WNK1: variants seen among roughly 807,000 people sequenced by gnomAD.
The protein encoded by WNK1 is serine/threonine-protein kinase WNK1.
In WNK1, 38 loss-of-function variants were observed where a neutral mutation model predicts 222.8. The observed-to-expected ratio is 0.17, with a 90% CI of 0.13 to 0.22. The LOEUF (loss-of-function observed/expected upper bound fraction) is 0.22, where lower values mean the gene tolerates loss of function less well. WNK1 is among the 10% of genes least tolerant of loss of function. The pLI is 1.00. For missense variants in WNK1, 2,348 were observed against 2,918.4 expected, an observed-to-expected ratio of 0.80 and a Z score of 4.50; for synonymous variants, 1,090 against 1,092.9, an observed-to-expected ratio of 1.00 and a Z score of 0.05.
intron 1 of WNK1, among the ~76,000 whole-genome samples, chr12:754,857 T>G (rs1311087025): frequency 2.6e-5 from 4 of 152,190 alleles, no homozygotes; most frequent in African/African-American, 7.2e-5. Context: ...TTTTGGATGT[T>G]TGATGTTGTT....
chr12:860,865 C>A (rs763223537), intron 6 of WNK1, 148 bp from the exon 7 acceptor site: 1 of 759,072 alleles, frequency 1.3e-6, no homozygotes, highest in African/African-American at 1.9e-5. Flanking sequence ...TTTTACAGTT[C>A]GGTTAAGGCC....
intron 8 of WNK1, chr12:869,257 C>A: frequency 9.1e-7 from 1 of 1,098,502 alleles, no homozygotes; most frequent in Non-Finnish European, 1.4e-6. Context: ...GGGTTGTGAA[C>A]TACATATATG....
At position 783,664 on chromosome 12, in the gene WNK1, G is replaced by A. The variant is rs113751927; in HGVS notation, c.759+29340G>A. Among the ~76,000 whole-genome samples, 27 of 43,226 alleles carry A rather than the reference G, an allele frequency of 6.2e-4. 1 individual carries two copies. Among genetic ancestry groups the A allele is most frequent in the African/African-American group, 3.0e-3 (26 of 8,718 alleles). The allele number at this position is 43,226 out of a possible 152,430, so 28.4% of individuals were successfully genotyped here. ...AAAAAAAAAATTATCCAGGCACAGC[G>A]GCATGTGCCTGTAGTCCCAGCTACC... On this transcript the variant is annotated intron_variant, in intron 1 of 27. Coordinates refer to ENST00000315939, the MANE Select transcript of WNK1 (RefSeq NM_018979.4).
At chr12:833,902 T>C (rs1039824764) in intron 4 of WNK1, among the ~76,000 whole-genome samples, 7 of 152,214 alleles carry the variant, frequency 4.6e-5, no homozygotes, top group African/African-American at 1.7e-4. Context: ...AATAATCATA[T>C]TCCCTGTCTT....
chr12:829,563 T>C (rs1948635339), intron 3 of WNK1, among the ~76,000 whole-genome samples: 1 of 152,226 alleles, frequency 6.6e-6, no homozygotes, highest in South Asian at 2.1e-4. Flanking sequence ...CATACATTAG[T>C]GGGCACACAA....
At chr12:783,964 A>G in intron 1 of WNK1, among the ~76,000 whole-genome samples, 1 of 113,668 alleles carries the variant, frequency 8.8e-6, no homozygotes, top group Non-Finnish European at 1.9e-5. Flanking sequence ...ATGTGCCTGT[A>G]GTCCCAGCTA....
chr12:849,850 G>A (rs1453838935), intron 4 of WNK1, among the ~76,000 whole-genome samples: 1 of 152,058 alleles, frequency 6.6e-6, no homozygotes, highest in Non-Finnish European at 1.5e-5. Context: ...AGTTTGCTGA[G>A]AATGATGGTT....
Position 882,966 on chromosome 12 carries a change from A to G in WNK1, c.3396A>G (p.Val1132=). 1 of 1,612,556 alleles carries G rather than the reference A, an allele frequency of 6.2e-7. No individual in the cohort carries two copies. The highest frequency in any genetic ancestry group is 1.1e-5 in the South Asian group (1 of 91,046). The change falls in exon 15 of 28, where the codon GTA becomes GTG. Residue 1132 remains valine (V), a synonymous_variant. Transcript: ENST00000315939. ...ILNVSNKGDR[V]VECQLETHNR... is the part of the protein sequence containing the mutation. ...AGGTTTCAAATAAAGGAGACCGAGT[A>G]GTAGAATGTCAATTAGAGACTCATA...
chr12:835,802 A>C (rs1331939523), intron 4 of WNK1, among the ~76,000 whole-genome samples: 1 of 152,152 alleles, frequency 6.6e-6, no homozygotes, highest in South Asian at 2.1e-4. Context: ...AAAAATACAA[A>C]AATTAGCTGG....
intron 1 of WNK1, among the ~76,000 whole-genome samples, chr12:771,448 G>C (rs969967781): frequency 1.3e-5 from 2 of 152,048 alleles, no homozygotes; most frequent in Non-Finnish European, 2.9e-5. Flanking sequence ...CTGTAGTTCA[G>C]CTATTTATTA....
At chr12:883,705 G>T in intron 16 of WNK1, 69 bp from the exon 17 acceptor site, 1 of 1,598,516 alleles carries the variant, frequency 6.3e-7, no homozygotes, top group Non-Finnish European at 8.6e-7. Flanking sequence ...CTTCACATGT[G>T]GCAGTTTGCT....
chr12:782,924 G>A (rs758454862), intron 1 of WNK1, among the ~76,000 whole-genome samples: 2 of 151,398 alleles, frequency 1.3e-5, no homozygotes, highest in Non-Finnish European at 2.9e-5. Context: ...CTGAGACAGG[G>A]TCTTGCCCTG....
At chr12:842,080 A>G (rs1240308869) in intron 4 of WNK1, among the ~76,000 whole-genome samples, 1 of 152,210 alleles carries the variant, frequency 6.6e-6, no homozygotes, top group African/African-American at 2.4e-5. Context: ...CACCGTAGGC[A>G]CTCATTAATA....
chr12:839,383 G>A (rs988396139), intron 4 of WNK1, among the ~76,000 whole-genome samples: 1 of 152,158 alleles, frequency 6.6e-6, no homozygotes, highest in Non-Finnish European at 1.5e-5. Context: ...AGTGGAGAAT[G>A]GATTTCTGAG....
Position 885,189 on chromosome 12 carries a change from G to T in WNK1, c.4385G>T (p.Gly1462Val), listed in dbSNP as rs1193226849. The change falls in exon 19 of 28, where the codon GGC (glycine) becomes GTC (valine). Residue 1462 changes from glycine (G) to valine (V), a missense_variant. Gly to Val is a moderately radical substitution (Grantham distance 109). Coordinates refer to ENST00000315939, the MANE Select transcript of WNK1 (RefSeq NM_018979.4). ...TCAGCAACTTCAGCCTCTGCAGGGGGCAGTACTGCTACCCCAGGTCCTAAG... is the reference window on the plus strand; with the variant it reads ...TCAGCAACTTCAGCCTCTGCAGGGGTCAGTACTGCTACCCCAGGTCCTAAG... ...TVSATSASAG[G>V]STATPGPKPP... The T allele has an allele frequency of 2.5e-6, 4 of 1,614,010 alleles. No individual in the cohort carries two copies. The highest frequency in any genetic ancestry group is 3.4e-6 in the Non-Finnish European group (4 of 1,180,028).
chr12:906,969 G>A (rs990618949), intron 26 of WNK1, among the ~76,000 whole-genome samples: 5 of 141,128 alleles, frequency 3.5e-5, no homozygotes, highest in Admixed American at 7.7e-5. Flanking sequence ...GCAGTGAGAC[G>A]TGATTGTGCC....
At chr12:758,532 C>T (rs1417262052) in intron 1 of WNK1, among the ~76,000 whole-genome samples, 1 of 143,560 alleles carries the variant, frequency 7.0e-6, no homozygotes, top group Non-Finnish European at 1.6e-5. Context: ...GGACTACAGG[C>T]GCCCGCCACC....
chr12:813,585 G>A, intron 1 of WNK1, 57 bp from the exon 2 acceptor site: 1 of 1,565,598 alleles, frequency 6.4e-7, no homozygotes. Context: ...AAGATTAACT[G>A]TCTGATTTGG....
intron 1 of WNK1, among the ~76,000 whole-genome samples, chr12:787,831 TTG>T (rs141102264): frequency 6.6e-6 from 1 of 152,008 alleles, no homozygotes. Flanking sequence ...ATGCTTTACA[TTG>T]TGTGTGTGTG....
Sources: allele counts gnomAD v4.1 joint callset (sites outside exome capture counted in the v4.1 genomes callset), GRCh38; gene constraint gnomAD v4.1.1; transcripts MANE v1.5; gene names NCBI Gene and HGNC (gene_info 2026-07-23, HGNC 2026-07-21).